The following CCDC50 variants were observed in gnomAD, a reference collection of about 807,000 sequenced individuals.
The protein encoded by CCDC50 is coiled-coil domain containing 50, also known as coiled-coil domain-containing protein 50.
CCDC50 carries 54 observed loss-of-function variants against 70.2 expected under a neutral mutation model. That is an observed-to-expected ratio of 0.77 (90% CI 0.62 to 0.96). The LOEUF (loss-of-function observed/expected upper bound fraction) is 0.96, where lower values mean the gene tolerates loss of function less well. Among genes scored for constraint, CCDC50 ranks in the 50% least tolerant of loss-of-function variants. The pLI is 0.00. For synonymous variants in CCDC50, 216 were observed against 198.8 expected (o/e 1.09, Z -0.73); for missense variants, 558 against 578.7 (o/e 0.96, Z 0.37).
intron 5 of CCDC50, 133 bp from the exon 6 acceptor site, chr3:191,374,929 G>C (rs1034554877): frequency 1.1e-6 from 1 of 927,440 alleles, no homozygotes; most frequent in Non-Finnish European, 1.7e-6. Context: ...CTCAATTTAA[G>C]TTGAAAAAGC....
chr3:191,360,820 A>T (rs1712461036), intron 3 of CCDC50, among the ~76,000 whole-genome samples: 1 of 152,134 alleles, frequency 6.6e-6, no homozygotes, highest in African/African-American at 2.4e-5. Flanking sequence ...GTTGGGTGTG[A>T]TGATCAGATT....
In CCDC50 at chr3:191,394,304, T is replaced by C. The variant is rs1713793649; in HGVS notation, c.*2544T>C. ...AATTATTACCCTATGAATAAGGAGA[T>C]AGAAATGAAATTCAGCCAGTTAAAT... is the stretch of plus-strand genomic sequence containing the variant. On this transcript the variant is annotated 3_prime_UTR_variant, in exon 12 of 12. Coordinates refer to ENST00000392455, the MANE Select transcript of CCDC50 (RefSeq NM_178335.3). 6.6e-6 allele frequency: 1 copy of C among 152,162 alleles called. No individual in the cohort carries two copies. Among genetic ancestry groups the C allele is most frequent in the Non-Finnish European group, 1.5e-5 (1 of 67,984 alleles). The allele number at this position is 152,162 out of a possible 1,614,324, so 9.4% of individuals were successfully genotyped here.
At chr3:191,374,908 C>CA (rs1214718766) in intron 5 of CCDC50, among the ~76,000 whole-genome samples, 154 bp from the exon 6 acceptor site, 8 of 152,160 alleles carry the variant, frequency 5.3e-5, no homozygotes, top group African/African-American at 1.9e-4. Flanking sequence ...CAGTAATGCT[C>CA]ATCCCCTCTT....
intron 1 of CCDC50, among the ~76,000 whole-genome samples, chr3:191,351,511 T>C (rs1188547639): frequency 7.1e-6 from 1 of 141,582 alleles, no homozygotes; most frequent in Non-Finnish European, 1.6e-5. Context: ...CATAGAATGC[T>C]CCTACAGTTA....
Position 191,396,554 on chromosome 3 carries a change from GA to G in CCDC50, c.*4795del, listed in dbSNP as rs1394825988. 6.6e-6 allele frequency: 1 copy of G among 152,122 alleles called. No individual in the cohort carries two copies. Among genetic ancestry groups the G allele is most frequent in the Non-Finnish European group, 1.5e-5 (1 of 68,010 alleles). The allele number at this position is 152,122 out of a possible 1,614,324, so 9.4% of individuals were successfully genotyped here. A position where few individuals can be genotyped will look rare whatever the true frequency, so the allele number is the denominator to read the frequency against. On this transcript the variant is annotated 3_prime_UTR_variant, in exon 12 of 12. Coordinates refer to ENST00000392455, the MANE Select transcript of CCDC50 (RefSeq NM_178335.3). ...TGTCTTCTATGGTGACTACATAGAAGATATTTCCAAAGGTTCTGTTATGCAG... is the reference window on the plus strand; with the variant it reads ...TGTCTTCTATGGTGACTACATAGAAGTATTTCCAAAGGTTCTGTTATGCAG...
rs976831106 is a variant in CCDC50, at chr3:191,348,477, G to A, written c.50-8611G>A. On this transcript the variant is annotated intron_variant, in intron 1 of 11. Transcript: ENST00000392455. ...AATGTTTGTCTTTCACAAAGAAATT[G>A]CAAAAATTCTGTGTCGACTTTGTGG... 2.1e-5 allele frequency among the ~76,000 whole-genome samples: 3 copies of A among 142,288 alleles called. 1 individual carries two copies. Among genetic ancestry groups the A allele is most frequent in the Non-Finnish European group, 4.8e-5 (3 of 63,066 alleles). 93.3% of individuals were successfully genotyped at this position (142,288 alleles called of 152,430 possible).
chr3:191,385,760 C>A (rs1368641058), intron 10 of CCDC50, among the ~76,000 whole-genome samples: 1 of 151,944 alleles, frequency 6.6e-6, no homozygotes, highest in Non-Finnish European at 1.5e-5. Flanking sequence ...CCTAGGTTTT[C>A]TTCTAAAATT....
chr3:191,378,595 C>T lies in CCDC50; in HGVS notation c.977-1564C>T, dbSNP rs892224124. 5.9e-5 allele frequency among the ~76,000 whole-genome samples: 9 copies of T among 152,210 alleles called. No homozygotes were observed. In the South Asian group the frequency reaches 6.2e-4, roughly 11 times the overall value. On this transcript the variant is annotated intron_variant, in intron 6 of 11. Coordinates refer to ENST00000392455, the MANE Select transcript of CCDC50 (RefSeq NM_178335.3). ...TTTATATAGCAGACTATCTTGTCCA[C>T]TGACATTGCCCAGTACTGAGTTCCT...
intron 1 of CCDC50, among the ~76,000 whole-genome samples, chr3:191,351,620 G>T (rs1233188181): frequency 7.1e-6 from 1 of 141,132 alleles, no homozygotes; most frequent in Non-Finnish European, 1.6e-5. Context: ...AAACAATAAG[G>T]CGAAAACAAA....
chr3:191,345,954 G>C (rs6801942), intron 1 of CCDC50, among the ~76,000 whole-genome samples: 1 of 151,952 alleles, frequency 6.6e-6, no homozygotes, highest in Non-Finnish European at 1.5e-5. Context: ...AAGTTGCCAC[G>C]TGATAACTGA....
intron 4 of CCDC50, among the ~76,000 whole-genome samples, chr3:191,362,134 T>G (rs573851167): frequency 6.6e-6 from 1 of 152,346 alleles, no homozygotes; most frequent in South Asian, 2.1e-4. Flanking sequence ...AGCCCTTTTT[T>G]TAAATTATTT....
At chr3:191,331,379 C>G (rs77188303) in intron 1 of CCDC50, among the ~76,000 whole-genome samples, 2,137 of 152,288 alleles carry the variant, frequency 0.014, 46 homozygotes, top group African/African-American at 0.049. Context: ...ATGATGTATT[C>G]TAACATATTA....
intron 5 of CCDC50, among the ~76,000 whole-genome samples, chr3:191,371,531 T>C (rs914412792): frequency 3.9e-5 from 6 of 152,206 alleles, no homozygotes; most frequent in African/African-American, 1.4e-4. Context: ...CATCAACTGC[T>C]TTTCTGTAAT....
chr3:191,348,354 CAG>C lies in CCDC50; in HGVS notation c.50-8730_50-8729del, dbSNP rs1289171632. Reference sequence around the variant, plus strand: ...CTCACAACAACCAAGCAACCAAAAACAGAGACCAAAACCAATAACCATAAGAA... The same window carrying C: ...CTCACAACAACCAAGCAACCAAAAACAGACCAAAACCAATAACCATAAGAA... On this transcript the variant is annotated intron_variant, in intron 1 of 11. Transcript: ENST00000392455. Among the ~76,000 whole-genome samples the C allele has an allele frequency of 4.9e-5, 7 of 142,322 alleles. 1 individual carries two copies. The highest frequency in any genetic ancestry group is 1.5e-4 in the African/African-American group (6 of 39,830). The allele number at this position is 142,322 out of a possible 152,430, so 93.4% of individuals were successfully genotyped here. A position where few individuals can be genotyped will look rare whatever the true frequency, so the allele number is the denominator to read the frequency against.
chr3:191,342,633 G>A (rs1484805784), intron 1 of CCDC50, among the ~76,000 whole-genome samples: 1 of 152,128 alleles, frequency 6.6e-6, no homozygotes, highest in Non-Finnish European at 1.5e-5. Flanking sequence ...TAAGGAGATG[G>A]GTGGCTTTTC....
chr3:191,390,278 C>T (rs998969401), intron 11 of CCDC50, among the ~76,000 whole-genome samples: 1 of 151,982 alleles, frequency 6.6e-6, no homozygotes, highest in Non-Finnish European at 1.5e-5. Flanking sequence ...TGCATGCACA[C>T]CTCCCACATA....
At chr3:191,331,434 A>AT (rs1246873017) in intron 1 of CCDC50, among the ~76,000 whole-genome samples, 1 of 152,132 alleles carries the variant, frequency 6.6e-6, no homozygotes, top group African/African-American at 2.4e-5. Context: ...AAAATGCAAG[A>AT]TTTTTCCATT....
Position 191,395,257 on chromosome 3 carries a change from C to A in CCDC50, c.*3497C>A, listed in dbSNP as rs1376394030. 6.6e-6 allele frequency: 1 copy of A among 152,116 alleles called. No individual in the cohort carries two copies. Among genetic ancestry groups the A allele is most frequent in the Non-Finnish European group, 1.5e-5 (1 of 67,984 alleles). 9.4% of individuals were successfully genotyped at this position (152,116 alleles called of 1,614,324 possible). A position where few individuals can be genotyped will look rare whatever the true frequency, so the allele number is the denominator to read the frequency against. On this transcript the variant is annotated 3_prime_UTR_variant, in exon 12 of 12. Coordinates refer to ENST00000392455, the MANE Select transcript of CCDC50 (RefSeq NM_178335.3). ...TGAGTAAATTCTTTGCTGACTGTTG[C>A]TCATCACTTTCTCTCAAAGTTAGAA...
At position 191,397,699 on chromosome 3, in the gene CCDC50, C is replaced by T. The variant is rs557881496; in HGVS notation, c.*5939C>T. ...TCTTGAGAGAGAGACTACGCATTGC[C>T]TGGGCACTTTCAGATTCCTTAGGAA... On this transcript the variant is annotated 3_prime_UTR_variant, in exon 12 of 12. Transcript: ENST00000392455. The T allele has an allele frequency of 2.6e-5, 4 of 152,220 alleles. No homozygotes were observed. The highest frequency in any genetic ancestry group is 9.6e-5 in the African/African-American group (4 of 41,464). The allele number at this position is 152,220 out of a possible 1,614,324, so 9.4% of individuals were successfully genotyped here. A position where few individuals can be genotyped will look rare whatever the true frequency, so the allele number is the denominator to read the frequency against.
Sources: gnomAD v4.1 joint callset for allele counts (sites outside exome capture counted in the v4.1 genomes callset) on GRCh38, gnomAD v4.1.1 for gene constraint, MANE v1.5 for transcripts, NCBI Gene and HGNC (gene_info 2026-07-23, HGNC 2026-07-21) for gene names.